The following MCM5 variants were observed in gnomAD, a reference collection of about 807,000 sequenced individuals.
MCM5 encodes the protein minichromosome maintenance complex component 5.
MCM5 carries 46 observed loss-of-function variants against 79.9 expected under a neutral mutation model. The observed-to-expected ratio is 0.58, with a 90% CI of 0.45 to 0.74. The LOEUF is 0.74. MCM5 is among the 30% of genes least tolerant of loss of function. MCM5 has a pLI of 0.00. For synonymous variants in MCM5, 404 were observed against 390.5 expected, an observed-to-expected ratio of 1.03 and a Z score of -0.41; for missense variants, 883 against 1,017.0, an observed-to-expected ratio of 0.87 and a Z score of 1.79.
the MCM5 span, among the ~76,000 whole-genome samples, chr22:35,435,841 T>G: frequency 8.5e-5 from 13 of 152,112 alleles, no homozygotes; most frequent in African/African-American, 3.1e-4. Context: ...GGAGAGGGTA[T>G]TTTTTGCTGT....
chr22:35,423,245 G>A lies in MCM5; in HGVS notation c.2007G>A (p.Gln669=). The part of the protein sequence containing the change: ...GVEGFTSQED[Q]EMLSRIEKQL... ...AGGGCTTCACCAGCCAGGAGGACCA[G>A]GAGATGCTGAGCCGCATCGAGAAGC... The change falls in exon 16 of 17, where the codon CAG becomes CAA. Residue 669 remains glutamine, a synonymous_variant. Coordinates refer to ENST00000216122, the MANE Select transcript of MCM5 (RefSeq NM_006739.4). 2 of 1,601,434 alleles carry A rather than the reference G, an allele frequency of 1.2e-6. No homozygotes were observed. Among genetic ancestry groups the A allele is most frequent in the Non-Finnish European group, 1.7e-6 (2 of 1,171,814 alleles).
In MCM5 at chr22:35,412,633, A is replaced by G; in HGVS notation, c.1043A>G (p.Asp348Gly). ...GCCCCCTCCATCTTTGGGGGCACAG[A>G]CATGAAGAAGGCCATTGCCTGCCTG... ...SIAPSIFGGT[D>G]MKKAIACLLF... is the part of the protein sequence containing the mutation. Residue 348 changes from aspartate to glycine, a missense_variant, in exon 8 of 17, where the codon GAC becomes GGC. Around this residue, in one of 3 missense-constraint regions of MCM5, gnomAD observed 455 missense variants for 517.5 expected, o/e 0.88. Coordinates refer to ENST00000216122, the MANE Select transcript of MCM5 (RefSeq NM_006739.4). 6.4e-7 allele frequency: 1 copy of G among 1,557,036 alleles called. No homozygotes were observed.
chr22:35,400,628 G>T, intron 2 of MCM5, 23 bp downstream of exon 2: 1 of 1,572,154 alleles, frequency 6.4e-7, no homozygotes, highest in Non-Finnish European at 8.6e-7. Context: ...CGGGGCCGGG[G>T]GCTCGAGTTC....
At chr22:35,435,824 G>C in the MCM5 span, among the ~76,000 whole-genome samples, 1 of 152,184 alleles carries the variant, frequency 6.6e-6, no homozygotes, top group Non-Finnish European at 1.5e-5. Context: ...CTGCTTGAGA[G>C]GGAAAAGGAG....
chr22:35,451,678 C>T, the MCM5 span, among the ~76,000 whole-genome samples: 1 of 152,244 alleles, frequency 6.6e-6, no homozygotes, highest in Admixed American at 6.5e-5. Context: ...ACTCGTCTGT[C>T]CTTTGTCCCC....
chr22:35,437,566 G>A, the MCM5 span, among the ~76,000 whole-genome samples: 2 of 152,326 alleles, frequency 1.3e-5, no homozygotes, highest in South Asian at 2.1e-4. Context: ...TTGTATGTCT[G>A]CAAATAGATT....
At chr22:35,438,810 TCCATCC>T in the MCM5 span, among the ~76,000 whole-genome samples, 95 of 144,690 alleles carry the variant, frequency 6.6e-4, 5 homozygotes, top group South Asian at 5.1e-3. Context: ...CATCCATCCA[TCCATCC>T]GTCCATCCAC....
At chr22:35,441,431 C>T in the MCM5 span, among the ~76,000 whole-genome samples, 1 of 152,202 alleles carries the variant, frequency 6.6e-6, no homozygotes, top group Admixed American at 6.5e-5. Flanking sequence ...GGTGCCCCCC[C>T]ACCACCTCTA....
At position 35,400,169 on chromosome 22, in the gene MCM5, T is replaced by A. The variant is rs1036528229; in HGVS notation, c.-48T>A. 4 of 456,446 alleles carry A rather than the reference T, an allele frequency of 8.8e-6. No individual in the cohort carries two copies. Among genetic ancestry groups the A allele is most frequent in the African/African-American group, 6.1e-5 (3 of 49,438 alleles). The allele number at this position is 456,446 out of a possible 1,614,324, so 28.3% of individuals were successfully genotyped here. A position where few individuals can be genotyped will look rare whatever the true frequency, so the allele number is the denominator to read the frequency against. ...GAAACTCGGCGGCTGAGCGTGGAGG[T>A]TCTTGTCTCCCCTGGTTTGTGAAGT... is the stretch of plus-strand genomic sequence containing the variant. On this transcript the variant is annotated 5_prime_UTR_variant, in exon 1 of 17. Transcript: ENST00000216122.
the MCM5 span, among the ~76,000 whole-genome samples, chr22:35,453,295 G>A: frequency 1.3e-5 from 2 of 152,208 alleles, no homozygotes; most frequent in Non-Finnish European, 2.9e-5. Flanking sequence ...TTCCAGACAG[G>A]ACATCAGAGA....
At chr22:35,406,960 T>A (rs1481562550) in intron 5 of MCM5, among the ~76,000 whole-genome samples, 1 of 152,108 alleles carries the variant, frequency 6.6e-6, no homozygotes, top group Non-Finnish European at 1.5e-5. Context: ...GACAGCGTTG[T>A]AGGGAACCCA....
chr22:35,438,579 C>G, the MCM5 span, among the ~76,000 whole-genome samples: 3 of 145,566 alleles, frequency 2.1e-5, no homozygotes, highest in Admixed American at 6.8e-5. Context: ...ATCCATCCAT[C>G]CATCCATCCA....
chr22:35,428,563 G>T (rs1932792246), downstream of MCM5, among the ~76,000 whole-genome samples: 1 of 151,980 alleles, frequency 6.6e-6, no homozygotes, highest in Non-Finnish European at 1.5e-5. Context: ...TATGTAGATA[G>T]TTTTTTACAT....
Position 35,403,512 on chromosome 22 carries a change from C to T in MCM5, c.393C>T (p.Asp131=), listed in dbSNP as rs146766693. The T allele has an allele frequency of 7.1e-5, 115 of 1,613,964 alleles. No individual in the cohort carries two copies. The highest frequency in any genetic ancestry group is 1.3e-4 in the South Asian group (12 of 91,088). The change falls in exon 4 of 17, where the codon GAC becomes GAT. Residue 131 remains aspartate (D), a synonymous_variant. Transcript: ENST00000216122. Reference sequence around the variant, plus strand: ...ACATCCAGGTCATGCTCAAGTCGGACGCCAGCCCTTCCAGCATTCGTAGCC... The same window carrying T: ...ACATCCAGGTCATGCTCAAGTCGGATGCCAGCCCTTCCAGCATTCGTAGCC... ...LQDIQVMLKS[D]ASPSSIRSLK...
At chr22:35,405,572 G>A (rs1228698819) in intron 4 of MCM5, among the ~76,000 whole-genome samples, 2 of 151,842 alleles carry the variant, frequency 1.3e-5, no homozygotes, top group Non-Finnish European at 1.5e-5. Context: ...TCACCATGTT[G>A]GCCAGGCTGG....
In MCM5 at chr22:35,415,718, C is replaced by G. The variant is rs1169397100; in HGVS notation, c.1204-111C>G. On this transcript the variant is annotated intron_variant, in intron 9 of 16. Coordinates refer to ENST00000216122, the MANE Select transcript of MCM5 (RefSeq NM_006739.4). ...TGAGTCCTATTCTGTACCCTGCAGCCAGCTTTGATGTGTGACCTTGGGCAA... is the reference window on the plus strand; with the variant it reads ...TGAGTCCTATTCTGTACCCTGCAGCGAGCTTTGATGTGTGACCTTGGGCAA... The G allele has an allele frequency of 4.1e-6, 5 of 1,227,552 alleles. No individual in the cohort carries two copies. In the Admixed American group the frequency reaches 9.9e-5, roughly 24 times the overall value. 76.0% of individuals were successfully genotyped at this position (1,227,552 alleles called of 1,614,324 possible).
intron 1 of MCM5, 102 bp from the exon 2 acceptor site, chr22:35,400,329 G>T: frequency 7.4e-7 from 1 of 1,346,974 alleles, no homozygotes; most frequent in South Asian, 1.2e-5. Context: ...GCGCGGCCGG[G>T]GGTCCCCCTG....
chr22:35,431,486 G>A, the MCM5 span, among the ~76,000 whole-genome samples: 32,771 of 152,030 alleles, frequency 0.22, 4,160 homozygotes, highest in East Asian at 0.54. Flanking sequence ...TATGGGTAGC[G>A]CATGGGTGAA....
chr22:35,452,225 C>T, the MCM5 span, among the ~76,000 whole-genome samples: 1 of 152,198 alleles, frequency 6.6e-6, no homozygotes, highest in Non-Finnish European at 1.5e-5. Flanking sequence ...TCGTCCAGCA[C>T]CCAGCCCTTT....
Sources: allele counts gnomAD v4.1 joint callset (sites outside exome capture counted in the v4.1 genomes callset), GRCh38; gene constraint gnomAD v4.1.1; regional missense constraint gnomAD v4.1.1; transcripts MANE v1.5; gene names NCBI Gene and HGNC (gene_info 2026-07-23, HGNC 2026-07-21).